The following MDGA2 variants were observed in gnomAD, a reference collection of about 807,000 sequenced individuals.
MDGA2 encodes the protein MAM domain containing glycosylphosphatidylinositol anchor 2.
A neutral mutation model predicts 117.8 loss-of-function variants in MDGA2; 40 were observed. That is an observed-to-expected ratio of 0.34 (90% CI 0.26 to 0.44). MDGA2 has a LOEUF of 0.44. MDGA2 is among the 20% of genes least tolerant of loss of function. The pLI is 1.00. For missense variants in MDGA2, 1,123 were observed against 1,250.6 expected (o/e 0.90, Z 1.54); for synonymous variants, 452 against 439.0 (o/e 1.03, Z -0.37).
rs143986447 is a variant in MDGA2 at position 46,851,622 on chromosome 14, C to T, written c.2883+3402G>A. Among the ~76,000 whole-genome samples the T allele has an allele frequency of 7.2e-5, 11 of 151,918 alleles. No individual in the cohort carries two copies. The East Asian group carries it at 1.9e-3, about 27-fold the overall frequency. On this transcript the variant is annotated intron_variant, in intron 15 of 16. Coordinates refer to ENST00000399232, the MANE Select transcript of MDGA2 (RefSeq NM_001113498.3). ...TTTATGGATCAAATTAATTTAAAGT[C>T]ATGCAACTCAAAACAAATAAAACAG...
chr14:47,261,122 C>G (rs981430316), intron 2 of MDGA2, among the ~76,000 whole-genome samples: 1 of 152,032 alleles, frequency 6.6e-6, no homozygotes, highest in African/African-American at 2.4e-5. Context: ...GGAAAAACAT[C>G]GTTAGGAAGG....
At position 47,609,456 on chromosome 14, in the gene MDGA2, T is replaced by TATATATATAG. The variant is rs1434045282; in HGVS notation, c.280+65060_280+65061insCTATATATAT. ...ATATATATATATATATATATATATA[T>TATATATATAG]ATATATATAAGTTTCTTTATCTACT... On this transcript the variant is annotated intron_variant, in intron 1 of 16. Coordinates refer to ENST00000399232, the MANE Select transcript of MDGA2 (RefSeq NM_001113498.3). Among the ~76,000 whole-genome samples, 9 of 110,162 alleles carry TATATATATAG rather than the reference T, an allele frequency of 8.2e-5. 1 individual carries two copies. The highest frequency in any genetic ancestry group is 1.1e-4 in the Non-Finnish European group (6 of 52,990). The allele number at this position is 110,162 out of a possible 152,430, so 72.3% of individuals were successfully genotyped here.
intron 1 of MDGA2, among the ~76,000 whole-genome samples, chr14:47,389,968 A>C (rs112004533): frequency 1.3e-4 from 20 of 152,284 alleles, no homozygotes; most frequent in African/African-American, 4.6e-4. Context: ...TGGCTCCTTG[A>C]ATATGCTCTT....
At chr14:47,453,445 G>A (rs1237533675) in intron 1 of MDGA2, among the ~76,000 whole-genome samples, 1 of 152,124 alleles carries the variant, frequency 6.6e-6, no homozygotes, top group Non-Finnish European at 1.5e-5. Context: ...AAATCTGGGA[G>A]TGATTTGTTA....
intron 1 of MDGA2, among the ~76,000 whole-genome samples, chr14:47,481,331 C>T (rs1893950668): frequency 6.6e-6 from 1 of 151,928 alleles, no homozygotes; most frequent in Admixed American, 6.6e-5. Flanking sequence ...TGTTTGACAA[C>T]ATTTACATGA....
chr14:47,357,874 G>C lies in MDGA2; in HGVS notation c.281-56324C>G, dbSNP rs140327940. ...AGTTTCACTCTTCTAACTTTAGGGG[G>C]ACTCAATGCCCCTGGTCTACATGAA... is the stretch of plus-strand genomic sequence containing the variant. On this transcript the variant is annotated intron_variant, in intron 1 of 16. Coordinates refer to ENST00000399232, the MANE Select transcript of MDGA2 (RefSeq NM_001113498.3). Among the ~76,000 whole-genome samples, 283 of 152,244 alleles carry C rather than the reference G, an allele frequency of 1.9e-3. 3 individuals are homozygous for C. Among genetic ancestry groups the C allele is most frequent in the African/African-American group, 6.7e-3 (278 of 41,526 alleles).
At chr14:47,097,457 T>A (rs1435251873) in intron 5 of MDGA2, among the ~76,000 whole-genome samples, 1 of 152,026 alleles carries the variant, frequency 6.6e-6, no homozygotes, top group Non-Finnish European at 1.5e-5. Context: ...GACAATCATC[T>A]TCTGTTTTTG....
chr14:47,075,671 A>T (rs1890463887), intron 6 of MDGA2, among the ~76,000 whole-genome samples: 1 of 152,238 alleles, frequency 6.6e-6, no homozygotes, highest in Admixed American at 6.5e-5. Flanking sequence ...CTCATAAAAC[A>T]TTTATACACA....
chr14:47,503,597 G>T lies in MDGA2; in HGVS notation c.280+170920C>A, dbSNP rs557938077. On this transcript the variant is annotated intron_variant, in intron 1 of 16. Coordinates refer to ENST00000399232, the MANE Select transcript of MDGA2 (RefSeq NM_001113498.3). ...TTTTTTGTATTTTTAGTAGAGACAG[G>T]GTTTCACCGTGTTAGCCAGGATGGT... Among the ~76,000 whole-genome samples the T allele has an allele frequency of 3.3e-5, 5 of 152,028 alleles. No homozygotes were observed. The South Asian group carries it at 6.2e-4, about 19-fold the overall frequency.
chr14:47,546,336 A>C lies in MDGA2; in HGVS notation c.280+128181T>G, dbSNP rs957384352. ...GAAGAAAGGAGTCCTGCTGGAAAAC[A>C]CTCAAGGGGGTCAGGTGGTTGCTCT... On this transcript the variant is annotated intron_variant, in intron 1 of 16. Coordinates refer to ENST00000399232, the MANE Select transcript of MDGA2 (RefSeq NM_001113498.3). Among the ~76,000 whole-genome samples the C allele has an allele frequency of 5.9e-5, 9 of 152,228 alleles. No homozygotes were observed. In the South Asian group the frequency reaches 1.9e-3, roughly 32 times the overall value.
At chr14:46,976,879 A>C (rs971300800) in intron 8 of MDGA2, among the ~76,000 whole-genome samples, 1 of 151,964 alleles carries the variant, frequency 6.6e-6, no homozygotes, top group Non-Finnish European at 1.5e-5. Flanking sequence ...CCATTATTGA[A>C]ACTAATGAGT....
rs181416274 is a variant in MDGA2 at position 46,898,735 on chromosome 14, A to T, written c.2239-16514T>A. ...ATAAGAGATTTATTTACTTCAGAAC[A>T]AGACTACAAGACTGGATAGGACATG... On this transcript the variant is annotated intron_variant, in intron 10 of 16. Transcript: ENST00000399232. 3.6e-4 allele frequency among the ~76,000 whole-genome samples: 55 copies of T among 152,246 alleles called. 3 individuals carry two copies. The South Asian group carries it at 7.9e-3, about 22-fold the overall frequency.
intron 3 of MDGA2, among the ~76,000 whole-genome samples, chr14:47,208,605 T>G (rs922549509): frequency 6.6e-6 from 1 of 151,010 alleles, no homozygotes; most frequent in Non-Finnish European, 1.5e-5. Context: ...GGGAGAAAGC[T>G]AGATTCAGAG....
At chr14:46,857,567 G>A (rs1305969638) in intron 14 of MDGA2, among the ~76,000 whole-genome samples, 3 of 151,790 alleles carry the variant, frequency 2.0e-5, no homozygotes, top group Non-Finnish European at 2.9e-5. Flanking sequence ...ATGTAAATAC[G>A]GTTTTCTTTA....
intron 1 of MDGA2, among the ~76,000 whole-genome samples, chr14:47,382,564 C>T (rs1047454331): frequency 5.9e-5 from 9 of 152,124 alleles, no homozygotes; most frequent in Admixed American, 2.0e-4. Flanking sequence ...AGACACTTCT[C>T]GAAAGAAGAC....
At chr14:47,542,849 T>A (rs1895380087) in intron 1 of MDGA2, among the ~76,000 whole-genome samples, 1 of 152,196 alleles carries the variant, frequency 6.6e-6, no homozygotes, top group Non-Finnish European at 1.5e-5. Flanking sequence ...TATTTGGCAT[T>A]AACTAATTTG....
At chr14:46,880,676 C>T (rs879394993) in intron 11 of MDGA2, among the ~76,000 whole-genome samples, 7 of 151,170 alleles carry the variant, frequency 4.6e-5, no homozygotes, top group Admixed American at 1.3e-4. Context: ...GTGGCACATG[C>T]CTGTAATCCC....
At chr14:47,120,177 A>T (rs1041022296) in intron 5 of MDGA2, among the ~76,000 whole-genome samples, 6 of 152,206 alleles carry the variant, frequency 3.9e-5, no homozygotes, top group African/African-American at 7.2e-5. Context: ...TCTTAAAGTA[A>T]AAACGTAAAG....
Position 47,674,923 on chromosome 14 carries a change from C to CG in MDGA2, c.-128dup. 1 of 518,484 alleles carries CG rather than the reference C, an allele frequency of 1.9e-6. No individual in the cohort carries two copies. The highest frequency in any genetic ancestry group is 3.3e-6 in the Non-Finnish European group (1 of 299,048). 32.1% of individuals were successfully genotyped at this position (518,484 alleles called of 1,614,324 possible). ...GCAGACGCCGGGGAGGAGCAGGGGG[C>CG]GGTGATGGGAAGGGGAGCTGCGAGG... On this transcript the variant is annotated 5_prime_UTR_variant, in exon 1 of 17. Coordinates refer to ENST00000399232, the MANE Select transcript of MDGA2 (RefSeq NM_001113498.3).
Sources: gnomAD v4.1 joint callset for allele counts (sites outside exome capture counted in the v4.1 genomes callset) on GRCh38, gnomAD v4.1.1 for gene constraint, MANE v1.5 for transcripts, NCBI Gene and HGNC (gene_info 2026-07-23, HGNC 2026-07-21) for gene names.